Variants in DAB1 observed in about 807,000 individuals in gnomAD.
DAB1 encodes disabled homolog 1.
In DAB1, 15 loss-of-function variants were observed where a neutral mutation model predicts 64.6. The observed-to-expected ratio is 0.23, with a 90% CI of 0.16 to 0.36. The LOEUF is 0.36. DAB1 is among the 10% of genes least tolerant of loss of function. DAB1 has a pLI of 1.00. For synonymous variants in DAB1, 235 were observed against 251.9 expected (o/e 0.93, Z 0.64); for missense variants, 596 against 706.7 (o/e 0.84, Z 1.78).
chr1:58,469,866 G>C lies in DAB1; in HGVS notation n.257+36194C>G, dbSNP rs184383241. On this transcript the variant is annotated intron_variant and non_coding_transcript_variant, in intron 3 of 20. Coordinates refer to the DAB1 transcript ENST00000485760. ...TGAGGTAGGAGGAAGGGAGGACTTA[G>C]AGAATTTTTAAAAATAAATAATAAT... Among the ~76,000 whole-genome samples the C allele has an allele frequency of 2.0e-5, 3 of 152,224 alleles. No individual in the cohort carries two copies. The East Asian group carries it at 5.8e-4, about 29-fold the overall frequency.
At chr1:57,892,486 ATAT>A (rs1644331589) in intron 5 of DAB1, among the ~76,000 whole-genome samples, 3 of 152,204 alleles carry the variant, frequency 2.0e-5, no homozygotes, top group Admixed American at 2.0e-4. Flanking sequence ...GTCACTATTA[ATAT>A]TATTTTCAAG....
At chr1:58,348,441 G>A (rs1335198347) in intron 3 of DAB1, among the ~76,000 whole-genome samples, 1 of 152,102 alleles carries the variant, frequency 6.6e-6, no homozygotes, top group Non-Finnish European at 1.5e-5. Flanking sequence ...AAAAAAAGAT[G>A]ATTTTGTTTG....
chr1:58,078,415 T>C (rs995757284), intron 5 of DAB1, among the ~76,000 whole-genome samples: 6 of 152,178 alleles, frequency 3.9e-5, no homozygotes, highest in Admixed American at 2.0e-4. Context: ...ATCAAATAGG[T>C]TAATATATAT....
intron 6 of DAB1, among the ~76,000 whole-genome samples, chr1:57,708,297 C>T (rs532116896): frequency 6.6e-6 from 1 of 152,288 alleles, no homozygotes; most frequent in Non-Finnish European, 1.5e-5. Flanking sequence ...AAGAATTTAC[C>T]TGGTGCTTTA....
chr1:57,729,293 C>T lies in DAB1; in HGVS notation n.552-79628G>A, dbSNP rs569241530. ...TGGCTGTGTATGTTCCTCTGCCGTCCATGCTGGCTACTACTGGAGGCAGCC... is the reference window on the plus strand; with the variant it reads ...TGGCTGTGTATGTTCCTCTGCCGTCTATGCTGGCTACTACTGGAGGCAGCC... On this transcript the variant is annotated intron_variant and non_coding_transcript_variant, in intron 6 of 20. Coordinates refer to the DAB1 transcript ENST00000485760. Among the ~76,000 whole-genome samples, 3 of 152,368 alleles carry T rather than the reference C, an allele frequency of 2.0e-5. No homozygotes were observed. In the South Asian group the frequency reaches 6.2e-4, roughly 32 times the overall value.
intron 4 of DAB1, among the ~76,000 whole-genome samples, chr1:57,095,243 C>A (rs1654051137): frequency 6.6e-6 from 1 of 152,306 alleles, no homozygotes; most frequent in East Asian, 1.9e-4. Context: ...AGGGGGCCCA[C>A]TGAGTGAGGC....
At chr1:57,065,872 CATGG>C (rs72123758) in intron 8 of DAB1, among the ~76,000 whole-genome samples, 3,406 of 152,304 alleles carry the variant, frequency 0.022, 53 homozygotes, top group Non-Finnish European at 0.033. Context: ...AGGGCTGTGC[CATGG>C]TCACCATCTC....
intron 7 of DAB1, among the ~76,000 whole-genome samples, chr1:57,626,479 C>G (rs1473531041): frequency 1.3e-5 from 2 of 152,132 alleles, no homozygotes; most frequent in African/African-American, 4.8e-5. Flanking sequence ...CGTCAGAGGA[C>G]GATCTCATCT....
intron 6 of DAB1, among the ~76,000 whole-genome samples, chr1:57,720,045 C>G (rs558215802): frequency 1.0e-3 from 153 of 152,262 alleles, no homozygotes; most frequent in African/African-American, 3.6e-3. Flanking sequence ...GAGTTTCCGT[C>G]TGGAACCTTG....
intron 4 of DAB1, among the ~76,000 whole-genome samples, chr1:58,231,858 C>T (rs572364172): frequency 3.5e-4 from 53 of 152,246 alleles, no homozygotes; most frequent in African/African-American, 9.2e-4. Flanking sequence ...CTCACTTGGT[C>T]TTCATAACAG....
At chr1:57,456,029 G>T (rs1686578613) in intron 7 of DAB1, among the ~76,000 whole-genome samples, 1 of 152,004 alleles carries the variant, frequency 6.6e-6, no homozygotes, top group South Asian at 2.1e-4. Flanking sequence ...TTATTCTGTG[G>T]ATGCAACGAA....
intron 3 of DAB1, among the ~76,000 whole-genome samples, chr1:58,370,317 T>C (rs907202566): frequency 1.3e-5 from 2 of 151,934 alleles, no homozygotes; most frequent in African/African-American, 4.8e-5. Context: ...AGCAAAGCAG[T>C]ATTTAAATAA....
At chr1:58,319,409 G>A (rs1662632715) in intron 4 of DAB1, among the ~76,000 whole-genome samples, 1 of 152,120 alleles carries the variant, frequency 6.6e-6, no homozygotes. Flanking sequence ...TAAAAGGAGA[G>A]GTTTTTATAA....
chr1:58,182,031 T>C (rs977980286), intron 4 of DAB1, among the ~76,000 whole-genome samples: 4 of 152,002 alleles, frequency 2.6e-5, no homozygotes, highest in African/African-American at 9.7e-5. Flanking sequence ...AATATCTTTG[T>C]GCAGAATAGT....
chr1:58,544,712 G>C (rs1250288957), intron 1 of DAB1, among the ~76,000 whole-genome samples: 1 of 152,134 alleles, frequency 6.6e-6, no homozygotes, highest in Non-Finnish European at 1.5e-5. Context: ...TCGTGCCTCA[G>C]TCTCCTCAGT....
At chr1:58,382,198 A>G (rs907544142) in intron 3 of DAB1, among the ~76,000 whole-genome samples, 6 of 152,122 alleles carry the variant, frequency 3.9e-5, no homozygotes, top group African/African-American at 1.4e-4. Context: ...ACTGCTTTTT[A>G]TTAATATCTT....
chr1:57,430,541 A>C (rs1685463768), intron 7 of DAB1, among the ~76,000 whole-genome samples: 1 of 151,932 alleles, frequency 6.6e-6, no homozygotes, highest in Non-Finnish European at 1.5e-5. Flanking sequence ...ATGCCTGGCT[A>C]ATTTTTTTTG....
At chr1:57,219,278 C>A (rs1666677102) in intron 2 of DAB1, among the ~76,000 whole-genome samples, 1 of 151,954 alleles carries the variant, frequency 6.6e-6, no homozygotes, top group Admixed American at 6.6e-5. Flanking sequence ...CACACACACA[C>A]ACACACACAC....
At chr1:57,003,273 G>A (rs912392140) in intron 14 of DAB1, among the ~76,000 whole-genome samples, 2 of 152,226 alleles carry the variant, frequency 1.3e-5, no homozygotes, top group Non-Finnish European at 1.5e-5. Flanking sequence ...CAGCAGCCAA[G>A]TGGACTCACA....
Sources: gnomAD v4.1 joint callset for allele counts (sites outside exome capture counted in the v4.1 genomes callset) on GRCh38, gnomAD v4.1.1 for gene constraint, MANE v1.5 for transcripts, NCBI Gene and HGNC (gene_info 2026-07-23, HGNC 2026-07-21) for gene names.